The following CAB39L variants were observed in gnomAD, a reference collection of about 807,000 sequenced individuals.
The protein encoded by CAB39L is calcium-binding protein 39-like.
A neutral mutation model predicts 39.1 loss-of-function variants in CAB39L; 23 were observed. The observed-to-expected ratio is 0.59, with a 90% confidence interval of 0.42 to 0.83. The LOEUF is 0.83. Ranked by LOEUF, CAB39L falls within the 40% of genes least tolerant of loss-of-function variation. CAB39L has a pLI of 0.00. For synonymous variants in CAB39L, 126 were observed against 137.2 expected, an observed-to-expected ratio of 0.92 and a Z score of 0.57; for missense variants, 366 against 391.9, an observed-to-expected ratio of 0.93 and a Z score of 0.56.
intron 1 of CAB39L, among the ~76,000 whole-genome samples, chr13:49,438,339 C>CT (rs1314720297): frequency 6.6e-6 from 1 of 152,088 alleles, no homozygotes; most frequent in Non-Finnish European, 1.5e-5. Context: ...TATTTATATA[C>CT]TATTCTATCA....
chr13:49,312,600 T>C (rs531109857), intron 10 of CAB39L, among the ~76,000 whole-genome samples: 7 of 152,330 alleles, frequency 4.6e-5, no homozygotes, highest in African/African-American at 1.4e-4. Context: ...CTCTGTGATG[T>C]TCCCACACAA....
Position 49,322,558 on chromosome 13 carries a change from T to G in CAB39L, c.834+9389A>C, listed in dbSNP as rs565679237. On this transcript the variant is annotated intron_variant, in intron 10 of 10. Coordinates refer to ENST00000409308, the MANE Select transcript of CAB39L (RefSeq NM_001079670.3). ...TTCATATTTAAACCCAATAGCTCAT[T>G]TTAACTATTTTGGGTAAAATATTTT... Among the ~76,000 whole-genome samples the G allele has an allele frequency of 1.2e-4, 19 of 152,376 alleles. No homozygotes were observed. The South Asian group carries it at 3.9e-3, about 32-fold the overall frequency.
At chr13:49,344,865 T>C (rs1309813726) in intron 7 of CAB39L, among the ~76,000 whole-genome samples, 3 of 152,184 alleles carry the variant, frequency 2.0e-5, no homozygotes, top group Non-Finnish European at 2.9e-5. Flanking sequence ...ACCAGTATTG[T>C]TCCTGCTCTT....
intron 3 of CAB39L, among the ~76,000 whole-genome samples, chr13:49,417,303 A>C (rs1364761858): frequency 6.6e-6 from 1 of 152,212 alleles, no homozygotes; most frequent in Non-Finnish European, 1.5e-5. Flanking sequence ...GCTGCAATTC[A>C]ATTTCAGAAC....
intron 5 of CAB39L, among the ~76,000 whole-genome samples, chr13:49,361,402 C>T (rs759466086): frequency 7.0e-6 from 1 of 142,258 alleles, no homozygotes; most frequent in African/African-American, 2.6e-5. Flanking sequence ...TGCTTGAACC[C>T]GGGAGGCAGA....
intron 1 of CAB39L, among the ~76,000 whole-genome samples, chr13:49,437,407 G>C (rs975400716): frequency 2.6e-5 from 4 of 151,958 alleles, no homozygotes; most frequent in African/African-American, 9.7e-5. Flanking sequence ...CCCTTCCAAG[G>C]CACCCTCTTT....
intron 3 of CAB39L, 59 bp downstream of exon 3, chr13:49,433,259 T>C (rs1236532623): frequency 2.6e-6 from 1 of 388,002 alleles, no homozygotes; most frequent in South Asian, 1.9e-5. Flanking sequence ...ATGTTGAGCA[T>C]AGTCTACACG....
At chr13:49,377,516 C>T (rs1956108237) in intron 4 of CAB39L, among the ~76,000 whole-genome samples, 1 of 90,184 alleles carries the variant, frequency 1.1e-5, no homozygotes, top group Non-Finnish European at 2.2e-5. Context: ...ATTCTCCTGC[C>T]TCAGCCTGCC....
chr13:49,370,644 G>A (rs1252831748), intron 5 of CAB39L, among the ~76,000 whole-genome samples: 2 of 152,192 alleles, frequency 1.3e-5, no homozygotes, highest in Non-Finnish European at 2.9e-5. Context: ...CCAGAAAGCA[G>A]AGGGAGTGGG....
chr13:49,409,350 G>T (rs191565572), intron 3 of CAB39L, among the ~76,000 whole-genome samples: 37 of 151,936 alleles, frequency 2.4e-4, no homozygotes, highest in African/African-American at 8.9e-4. Context: ...TTAGGAATGA[G>T]GTAATAGAGA....
At chr13:49,358,662 A>T (rs191958502) in intron 6 of CAB39L, among the ~76,000 whole-genome samples, 2 of 152,224 alleles carry the variant, frequency 1.3e-5, no homozygotes, top group African/African-American at 4.8e-5. Context: ...GGAGGTCGAG[A>T]CCAGCCTGGC....
chr13:49,424,335 A>G (rs753414786), intron 3 of CAB39L, among the ~76,000 whole-genome samples: 10 of 152,246 alleles, frequency 6.6e-5, no homozygotes, highest in Non-Finnish European at 1.5e-4. Context: ...TCTAATAAAG[A>G]GAAAAACATC....
chr13:49,320,345 G>A (rs557890660), intron 10 of CAB39L, among the ~76,000 whole-genome samples: 20 of 152,192 alleles, frequency 1.3e-4, no homozygotes, highest in South Asian at 8.3e-4. Context: ...TTAGAATGCC[G>A]CCTTATTGCC....
At chr13:49,369,955 G>C (rs1955873092) in intron 5 of CAB39L, among the ~76,000 whole-genome samples, 1 of 152,180 alleles carries the variant, frequency 6.6e-6, no homozygotes, top group Non-Finnish European at 1.5e-5. Context: ...TAAAAAGGGT[G>C]AATGTTACTA....
At position 49,372,203 on chromosome 13, in the gene CAB39L, C is replaced by G. The variant is rs150088431; in HGVS notation, c.276+4764G>C. Among the ~76,000 whole-genome samples the G allele has an allele frequency of 9.2e-5, 14 of 152,290 alleles. No individual in the cohort carries two copies. The East Asian group carries it at 2.7e-3, about 29-fold the overall frequency. Reference sequence around the variant, plus strand: ...ATCCTGAGCCCATAAAAATCAGAAGCCTTGCAAACTCAGCCACAAATCATT... The same window carrying G: ...ATCCTGAGCCCATAAAAATCAGAAGGCTTGCAAACTCAGCCACAAATCATT... On this transcript the variant is annotated intron_variant, in intron 5 of 10. Coordinates refer to ENST00000409308, the MANE Select transcript of CAB39L (RefSeq NM_001079670.3).
chr13:49,397,692 A>T (rs1028885124), intron 3 of CAB39L, among the ~76,000 whole-genome samples: 1 of 152,056 alleles, frequency 6.6e-6, no homozygotes, highest in Non-Finnish European at 1.5e-5. Flanking sequence ...CAGAGCTAAA[A>T]TTTTCCACCT....
intron 1 of CAB39L, among the ~76,000 whole-genome samples, chr13:49,443,277 T>G (rs757584495): frequency 6.6e-5 from 10 of 151,804 alleles, no homozygotes; most frequent in Non-Finnish European, 1.5e-4. Flanking sequence ...AATCAAGATT[T>G]GACAAAATTC....
At chr13:49,331,281 C>A (rs376660651) in intron 10 of CAB39L, among the ~76,000 whole-genome samples, 20 of 151,838 alleles carry the variant, frequency 1.3e-4, no homozygotes, top group Admixed American at 2.0e-4. Context: ...CTGGCTAACA[C>A]GGTGAAAATC....
At chr13:49,440,753 T>C (rs1957501884) in intron 1 of CAB39L, among the ~76,000 whole-genome samples, 1 of 145,750 alleles carries the variant, frequency 6.9e-6, no homozygotes, top group African/African-American at 2.6e-5. Flanking sequence ...TGTGTGTGTG[T>C]GTGTGTATGG....
Sources: allele counts gnomAD v4.1 joint callset (sites outside exome capture counted in the v4.1 genomes callset), GRCh38; gene constraint gnomAD v4.1.1; transcripts MANE v1.5; gene names NCBI Gene and HGNC (gene_info 2026-07-23, HGNC 2026-07-21).